CFAP210: variants seen among roughly 807,000 people sequenced by gnomAD.
CFAP210 encodes cilia and flagella associated protein 210, also known as cilia- and flagella- associated protein 210.
At chr2:169,649,268 G>C in the CFAP210 span, 25 of 1,613,632 alleles carry the variant, frequency 1.5e-5, 1 homozygote, top group South Asian at 1.9e-4. Flanking sequence ...CAGAAAATCT[G>C]ATCTGCTTTC....
chr2:169,683,730 TGTTTG>T, the CFAP210 span, among the ~76,000 whole-genome samples: 4 of 152,222 alleles, frequency 2.6e-5, no homozygotes, highest in African/African-American at 9.6e-5. Context: ...TGATCCCTCC[TGTTTG>T]ACATCTCAAA....
At chr2:169,652,753 T>C in the CFAP210 span, among the ~76,000 whole-genome samples, 1 of 151,320 alleles carries the variant, frequency 6.6e-6, no homozygotes, top group African/African-American at 2.4e-5. Context: ...CCCAGCACTT[T>C]GGGAGGCCGA....
chr2:169,687,778 G>A, the CFAP210 span, among the ~76,000 whole-genome samples: 2 of 152,190 alleles, frequency 1.3e-5, no homozygotes, highest in African/African-American at 4.8e-5. Context: ...ACTAGATAAT[G>A]CCCCATTAGG....
the CFAP210 span, among the ~76,000 whole-genome samples, chr2:169,670,689 C>T: frequency 2.0e-5 from 3 of 152,288 alleles, no homozygotes; most frequent in South Asian, 4.1e-4. Context: ...CCACATGGAC[C>T]TCTCCATTGA....
the CFAP210 span, among the ~76,000 whole-genome samples, chr2:169,651,043 A>G: frequency 1.3e-5 from 2 of 151,618 alleles, no homozygotes; most frequent in South Asian, 2.1e-4. Flanking sequence ...CCTGACCAAC[A>G]TGGTGAAACC....
chr2:169,674,598 G>A, the CFAP210 span: 18 of 1,604,736 alleles, frequency 1.1e-5, 2 homozygotes, highest in East Asian at 3.4e-4. Context: ...TCTTTGGCAA[G>A]AGCCACCCTT....
the CFAP210 span, among the ~76,000 whole-genome samples, chr2:169,668,197 C>T: frequency 6.6e-6 from 1 of 152,184 alleles, no homozygotes; most frequent in Admixed American, 6.5e-5. Flanking sequence ...TTTCCTCAAA[C>T]CTCATGAACC....
chr2:169,653,022 AAAAAAAAATATATATATATAT>A, the CFAP210 span, among the ~76,000 whole-genome samples: 1 of 57,944 alleles, frequency 1.7e-5, no homozygotes, highest in African/African-American at 7.1e-5. Flanking sequence ...AAAAAAAAAA[AAAAAAAAATATATATATATAT>A]ATATATATAT....
chr2:169,691,256 G>C, the CFAP210 span, among the ~76,000 whole-genome samples: 1 of 151,938 alleles, frequency 6.6e-6, no homozygotes. Flanking sequence ...TTTCTGTTCA[G>C]TTCCTTTTTA....
the CFAP210 span, among the ~76,000 whole-genome samples, chr2:169,656,829 C>T: frequency 2.0e-5 from 3 of 151,294 alleles, no homozygotes; most frequent in Non-Finnish European, 4.4e-5. Context: ...TGGGGTATGG[C>T]GGTGGGTGCC....
chr2:169,654,153 T>A, the CFAP210 span: 1 of 1,599,556 alleles, frequency 6.3e-7, no homozygotes, highest in Non-Finnish European at 8.5e-7. Context: ...CATCTTTTCA[T>A]CTTCTTCCTC....
chr2:169,656,062 G>A, the CFAP210 span, among the ~76,000 whole-genome samples: 28 of 152,280 alleles, frequency 1.8e-4, no homozygotes, highest in African/African-American at 6.5e-4. Context: ...TGTTAAGTGG[G>A]ACTTCTTGGA....
the CFAP210 span, among the ~76,000 whole-genome samples, chr2:169,677,844 A>C: frequency 6.6e-6 from 1 of 152,194 alleles, no homozygotes; most frequent in Non-Finnish European, 1.5e-5. Context: ...AGGGACTAGA[A>C]CTAATAAGTG....
the CFAP210 span, among the ~76,000 whole-genome samples, chr2:169,670,185 C>T: frequency 2.6e-5 from 4 of 152,102 alleles, no homozygotes; most frequent in East Asian, 3.8e-4. Flanking sequence ...GAAAGAAGAC[C>T]TATACAGTGT....
chr2:169,647,703 G>A, the CFAP210 span, among the ~76,000 whole-genome samples: 1 of 151,906 alleles, frequency 6.6e-6, no homozygotes, highest in East Asian at 1.9e-4. Context: ...TTTGGCACCT[G>A]GCCAAAAATT....
chr2:169,662,263 T>C, the CFAP210 span: 3 of 1,588,694 alleles, frequency 1.9e-6, no homozygotes, highest in African/African-American at 1.4e-5. Flanking sequence ...TTTGGAACTT[T>C]TGCCCTTTCA....
chr2:169,678,341 C>CAAAAAAAAAAAA, the CFAP210 span, among the ~76,000 whole-genome samples: 31 of 88,054 alleles, frequency 3.5e-4, no homozygotes, highest in Non-Finnish European at 4.5e-4. Context: ...AACTCTGTTG[C>CAAAAAAAAAAAA]AAAAAAAAAA....
the CFAP210 span, chr2:169,662,359 T>C: frequency 1.2e-6 from 2 of 1,606,332 alleles, no homozygotes; most frequent in African/African-American, 1.3e-5. Flanking sequence ...ATATAATGCA[T>C]TCTGTCGCTT....
chr2:169,649,322 TTTC>T, the CFAP210 span: 5 of 1,611,630 alleles, frequency 3.1e-6, no homozygotes, highest in South Asian at 3.3e-5. Flanking sequence ...TTTCTTTGTC[TTTC>T]TTCTTCCTCT....
Sources: gnomAD v4.1 joint callset for allele counts (sites outside exome capture counted in the v4.1 genomes callset) on GRCh38, gnomAD v4.1.1 for gene constraint, MANE v1.5 for transcripts, NCBI Gene and HGNC (gene_info 2026-07-23, HGNC 2026-07-21) for gene names.